Variants in CACNA1C observed in about 807,000 individuals in gnomAD.
CACNA1C encodes voltage-dependent L-type calcium channel subunit alpha-1C.
Under a neutral mutation model 229.0 loss-of-function variants are expected in CACNA1C, and 30 were observed. That is an observed-to-expected ratio of 0.13 (90% CI 0.10 to 0.18). The LOEUF (loss-of-function observed/expected upper bound fraction) is 0.18, where lower values mean the gene tolerates loss of function less well. CACNA1C is among the 10% of genes least tolerant of loss of function. CACNA1C has a pLI of 1.00. For synonymous variants in CACNA1C, 1,114 were observed against 1,132.5 expected, an observed-to-expected ratio of 0.98 and a Z score of 0.33; for missense variants, 1,658 against 2,845.0, an observed-to-expected ratio of 0.58 and a Z score of 9.49.
At chr12:2,439,785 A>G (rs970583436) in intron 3 of CACNA1C, among the ~76,000 whole-genome samples, 2 of 152,086 alleles carry the variant, frequency 1.3e-5, no homozygotes, top group Admixed American at 6.5e-5. Context: ...CCCAGCCTCA[A>G]TTGCTGCTTG....
chr12:2,414,277 C>A, intron 3 of CACNA1C, among the ~76,000 whole-genome samples: 1 of 152,226 alleles, frequency 6.6e-6, no homozygotes, highest in East Asian at 1.9e-4. Flanking sequence ...TAGAGCCCAT[C>A]ATTTTCAATA....
intron 1 of CACNA1C, among the ~76,000 whole-genome samples, chr12:2,010,137 A>C (rs2044150703): frequency 6.6e-6 from 1 of 152,196 alleles, no homozygotes; most frequent in South Asian, 2.1e-4. Context: ...CAAATCAAAA[A>C]AATTCTGCAT....
chr12:2,243,055 G>C (rs1043731958), intron 3 of CACNA1C, among the ~76,000 whole-genome samples: 1 of 152,188 alleles, frequency 6.6e-6, no homozygotes, highest in Non-Finnish European at 1.5e-5. Context: ...CTTTTGGATA[G>C]AATGAGATCT....
rs140729419 is a variant in CACNA1C, at chr12:2,677,366, A to AGAT, written c.4956+147_4956+149dup. 4,256 of 910,832 alleles carry AGAT rather than the reference A, an allele frequency of 4.7e-3. 126 individuals are homozygous for AGAT. In the African/African-American group the frequency reaches 0.062, roughly 13 times the overall value. The allele number at this position is 910,832 out of a possible 1,614,324, so 56.4% of individuals were successfully genotyped here. A position where few individuals can be genotyped will look rare whatever the true frequency, so the allele number is the denominator to read the frequency against. On this transcript the variant is annotated intron_variant, in intron 40 of 46. Coordinates refer to ENST00000399655, the MANE Select transcript of CACNA1C (RefSeq NM_000719.7). The surrounding 1 kb of genome is among the most constrained non-coding windows in gnomAD (Gnocchi z 7.4). ...TTCAGAGAGCTCCAGACCTTTCCAAAGATGGCTGTGAGAAGGGGGTGATGT... is the reference window on the plus strand; with the variant it reads ...TTCAGAGAGCTCCAGACCTTTCCAAAGATGATGGCTGTGAGAAGGGGGTGATGT...
intron 29 of CACNA1C, among the ~76,000 whole-genome samples, chr12:2,624,724 CTAAG>C (rs1183501464): frequency 2.6e-5 from 4 of 152,252 alleles, no homozygotes; most frequent in Non-Finnish European, 4.4e-5. Flanking sequence ...CACCCCCTCT[CTAAG>C]AACCCACACA....
At position 2,019,216 on chromosome 12, in the gene CACNA1C, C is replaced by A. The variant is rs2470423; in HGVS notation, c.139+48015C>A. ...GTGGCTCACACCTGTAATCCTGACC[C>A]TTTGGGAGGTTGAGGTGGGAGGATC... On this transcript the variant is annotated intron_variant, in intron 1 of 46. Coordinates refer to the CACNA1C transcript ENST00000682462. Among the ~76,000 whole-genome samples, 751 of 152,190 alleles carry A rather than the reference C, an allele frequency of 4.9e-3. 6 individuals are homozygous for A. Among genetic ancestry groups the A allele is most frequent in the African/African-American group, 0.017 (697 of 41,498 alleles).
chr12:2,080,983 T>C (rs1458218837), intron 1 of CACNA1C, among the ~76,000 whole-genome samples: 2 of 152,246 alleles, frequency 1.3e-5, no homozygotes, highest in Non-Finnish European at 2.9e-5. Flanking sequence ...GCCAAGAATG[T>C]TTTGAAATTT....
chr12:2,621,801 G>A (rs181261547), intron 29 of CACNA1C, among the ~76,000 whole-genome samples: 1 of 152,192 alleles, frequency 6.6e-6, no homozygotes, highest in African/African-American at 2.4e-5. Flanking sequence ...TGCTGAAATA[G>A]AGAAGAACAG....
At chr12:2,218,204 C>T (rs2060478596) in intron 3 of CACNA1C, among the ~76,000 whole-genome samples, 1 of 152,190 alleles carries the variant, frequency 6.6e-6, no homozygotes, top group Admixed American at 6.5e-5. Flanking sequence ...CCTCTCACTC[C>T]CTGAGATGCA....
At chr12:2,550,749 G>A (rs2099898844) in intron 10 of CACNA1C, 7 of 1,075,270 alleles carry the variant, frequency 6.5e-6, no homozygotes, top group Non-Finnish European at 8.7e-6. Context: ...ATGATGGAGA[G>A]CCTGGGCAAG....
chr12:2,328,498 A>G (rs886419819), intron 3 of CACNA1C, among the ~76,000 whole-genome samples: 3 of 152,232 alleles, frequency 2.0e-5, no homozygotes, highest in Non-Finnish European at 4.4e-5. Flanking sequence ...TTAGCTCCAA[A>G]TGCAGCCCTG....
intron 13 of CACNA1C, among the ~76,000 whole-genome samples, chr12:2,569,693 A>G (rs1379228400): frequency 1.3e-5 from 2 of 152,212 alleles, no homozygotes; most frequent in African/African-American, 2.4e-5. Flanking sequence ...TTCATGTATC[A>G]GTGATGGACA....
At chr12:2,142,634 G>C (rs1230253387) in intron 3 of CACNA1C, among the ~76,000 whole-genome samples, 2 of 151,334 alleles carry the variant, frequency 1.3e-5, no homozygotes, top group South Asian at 4.2e-4. Context: ...TTTCCCCGAA[G>C]ACCTTCCAGT....
At position 2,521,367 on chromosome 12, in the gene CACNA1C, G is replaced by C. The variant is rs1477984126; in HGVS notation, c.1390+8383G>C. 3.9e-5 allele frequency among the ~76,000 whole-genome samples: 6 copies of C among 152,178 alleles called. No individual in the cohort carries two copies. The East Asian group carries it at 5.8e-4, about 15-fold the overall frequency. On this transcript the variant is annotated intron_variant, in intron 9 of 46. Transcript: ENST00000399655. Reference sequence around the variant, plus strand: ...GCAGTTTAAAGTGGATGTGGATAGAGAGCAGCTGTGTTCCTGGGATCGCTG... The same window carrying C: ...GCAGTTTAAAGTGGATGTGGATAGACAGCAGCTGTGTTCCTGGGATCGCTG...
chr12:2,538,206 G>A (rs149759325), intron 9 of CACNA1C, among the ~76,000 whole-genome samples: 18 of 152,302 alleles, frequency 1.2e-4, no homozygotes, highest in African/African-American at 2.2e-4. Context: ...ATGGCAGAGC[G>A]CACTTCTATT....
chr12:2,455,054 G>T (rs1258689305), intron 4 of CACNA1C, among the ~76,000 whole-genome samples: 2 of 152,020 alleles, frequency 1.3e-5, no homozygotes, highest in Non-Finnish European at 2.9e-5. Flanking sequence ...CCCTTTCTGT[G>T]CACCCATCCC....
chr12:2,492,362 G>A (rs749700156), intron 6 of CACNA1C, among the ~76,000 whole-genome samples: 1 of 152,160 alleles, frequency 6.6e-6, no homozygotes, highest in Non-Finnish European at 1.5e-5. Flanking sequence ...AGCCCCGTCC[G>A]TACTGAGGAA....
At chr12:2,089,858 C>T (rs2069624630) in intron 1 of CACNA1C, among the ~76,000 whole-genome samples, 1 of 117,810 alleles carries the variant, frequency 8.5e-6, no homozygotes, top group Admixed American at 8.3e-5. Flanking sequence ...CATAGTGAAA[C>T]CCCTACTAAA....
At chr12:2,137,381 C>T (rs2093644451) in intron 3 of CACNA1C, among the ~76,000 whole-genome samples, 1 of 151,030 alleles carries the variant, frequency 6.6e-6, no homozygotes, top group Admixed American at 6.7e-5. Flanking sequence ...GATAGAAATG[C>T]TCCGCCCAGC....
Sources: gnomAD v4.1 joint callset for allele counts (sites outside exome capture counted in the v4.1 genomes callset) on GRCh38, gnomAD v4.1.1 for gene constraint, Gnocchi (gnomAD v3.1) non-coding constraint, MANE v1.5 for transcripts, NCBI Gene and HGNC (gene_info 2026-07-23, HGNC 2026-07-21) for gene names.